DPP4: variants seen among roughly 807,000 people sequenced by gnomAD.
DPP4 encodes the protein ADCP-2.
DPP4 carries 93 observed loss-of-function variants against 122.4 expected under a neutral mutation model. The observed-to-expected ratio is 0.76, with a 90% confidence interval of 0.64 to 0.90. The LOEUF (loss-of-function observed/expected upper bound fraction) is 0.90, where lower values mean the gene tolerates loss of function less well. Ranked by LOEUF, DPP4 falls within the 40% of genes least tolerant of loss-of-function variation. DPP4 has a pLI of 0.00. For missense variants in DPP4, 914 were observed against 907.3 expected (o/e 1.01, Z -0.09); for synonymous variants, 321 against 302.9 (o/e 1.06, Z -0.62).
At chr2:162,066,914 T>A (rs1684965393) in intron 2 of DPP4, among the ~76,000 whole-genome samples, 1 of 152,112 alleles carries the variant, frequency 6.6e-6, no homozygotes, top group Admixed American at 6.6e-5. Context: ...AGGGCTCTGA[T>A]CCCATTATGC....
intron 23 of DPP4, among the ~76,000 whole-genome samples, chr2:162,003,878 A>T (rs1176248468): frequency 6.6e-6 from 1 of 152,224 alleles, no homozygotes; most frequent in Non-Finnish European, 1.5e-5. Context: ...TGAAGAGGGG[A>T]AAATTCAGTA....
chr2:162,063,590 A>G (rs970289527), intron 2 of DPP4, among the ~76,000 whole-genome samples: 3 of 151,926 alleles, frequency 2.0e-5, no homozygotes, highest in Non-Finnish European at 4.4e-5. Context: ...AAGGATGACT[A>G]ATTGACAGGC....
At chr2:162,030,665 G>A (rs1238873952) in intron 10 of DPP4, among the ~76,000 whole-genome samples, 1 of 152,116 alleles carries the variant, frequency 6.6e-6, no homozygotes, top group Non-Finnish European at 1.5e-5. Flanking sequence ...TTTTCCCAGA[G>A]AGCATCTAGA....
intron 19 of DPP4, among the ~76,000 whole-genome samples, chr2:162,014,146 G>A (rs1682819340): frequency 6.6e-6 from 1 of 152,142 alleles, no homozygotes; most frequent in Admixed American, 6.6e-5. Flanking sequence ...TTCCCTTGGA[G>A]TTCAGAGAAG....
chr2:161,998,401 C>T (rs1453204450), intron 23 of DPP4, among the ~76,000 whole-genome samples: 1 of 152,148 alleles, frequency 6.6e-6, no homozygotes, highest in Admixed American at 6.5e-5. Context: ...CCTTGTTGCT[C>T]TCCAAATTAA....
chr2:161,993,122 C>T lies in DPP4; in HGVS notation c.*161G>A, dbSNP rs2106064312. ...TCTGTTGTGAAGACAGAAGTCCCTA[C>T]TTAAGATGATAGGTATGAAATTTGG... is the stretch of plus-strand genomic sequence containing the variant. On this transcript the variant is annotated 3_prime_UTR_variant, in exon 26 of 26. Coordinates refer to ENST00000360534, the MANE Select transcript of DPP4 (RefSeq NM_001935.4). The T allele has an allele frequency of 1.7e-6, 1 of 583,712 alleles. No homozygotes were observed. Among genetic ancestry groups the T allele is most frequent in the East Asian group, 2.8e-5 (1 of 35,278 alleles). The allele number at this position is 583,712 out of a possible 1,614,324, so 36.2% of individuals were successfully genotyped here.
Position 162,037,732 on chromosome 2 carries a change from G to A in DPP4, c.613+570C>T, listed in dbSNP as rs772775169. On this transcript the variant is annotated intron_variant, in intron 8 of 25. Coordinates refer to ENST00000360534, the MANE Select transcript of DPP4 (RefSeq NM_001935.4). The stretch of plus-strand genomic sequence containing the variant: ...TTTCGACAACTCTGTATCCTAAAAG[G>A]GAGAATATTCCTTTTTAACTTTTTT... Among the ~76,000 whole-genome samples, 8 of 151,942 alleles carry A rather than the reference G, an allele frequency of 5.3e-5. 1 individual carries two copies. The highest frequency in any genetic ancestry group is 6.6e-5 in the Admixed American group (1 of 15,220).
chr2:162,064,136 G>T (rs1209111126), intron 2 of DPP4, among the ~76,000 whole-genome samples: 1 of 152,172 alleles, frequency 6.6e-6, no homozygotes, highest in Admixed American at 6.5e-5. Flanking sequence ...CAGGTCCTTA[G>T]CTATGAATGA....
At chr2:162,029,267 T>C (rs1246390431) in intron 10 of DPP4, among the ~76,000 whole-genome samples, 1 of 152,236 alleles carries the variant, frequency 6.6e-6, no homozygotes, top group Non-Finnish European at 1.5e-5. Context: ...TTAAGGATAC[T>C]TAAAATAAGG....
At chr2:162,062,389 C>T (rs1684805724) in intron 2 of DPP4, among the ~76,000 whole-genome samples, 1 of 152,226 alleles carries the variant, frequency 6.6e-6, no homozygotes, top group Non-Finnish European at 1.5e-5. Flanking sequence ...TAACACAGCA[C>T]ACATGTATCA....
In DPP4 at chr2:162,002,132, T is replaced by C. The variant is rs1020670244; in HGVS notation, c.2052+3613A>G. ...GTTTGGTTTGACACAGCCCTGGAGG[T>C]GTAGGCCTTAGAAAATGGAGTATGG... On this transcript the variant is annotated intron_variant, in intron 23 of 25. Transcript: ENST00000360534. 8.0e-4 allele frequency among the ~76,000 whole-genome samples: 122 copies of C among 152,092 alleles called. 1 individual carries two copies. The highest frequency in any genetic ancestry group is 2.9e-3 in the African/African-American group (118 of 41,394).
At chr2:162,066,996 T>C (rs923754818) in intron 2 of DPP4, among the ~76,000 whole-genome samples, 1 of 29,328 alleles carries the variant, frequency 3.4e-5, no homozygotes, top group African/African-American at 1.8e-4. Flanking sequence ...AGGGGACAAA[T>C]ACGCAATCAT....
intron 13 of DPP4, 120 bp downstream of exon 13, chr2:162,020,461 G>A: frequency 1.0e-6 from 1 of 1,003,844 alleles, no homozygotes; most frequent in South Asian, 1.7e-5. Flanking sequence ...CCACTGAGGA[G>A]TTTAAATTAA....
At chr2:162,032,705 ACAAC>A (rs1683595407) in intron 10 of DPP4, among the ~76,000 whole-genome samples, 1 of 125,602 alleles carries the variant, frequency 8.0e-6, no homozygotes, top group Admixed American at 7.7e-5. Flanking sequence ...AACAACAACA[ACAAC>A]AAAAAAAAAA....
At chr2:162,024,656 A>C (rs981113238) in intron 11 of DPP4, 148 bp downstream of exon 11, 25 of 1,097,894 alleles carry the variant, frequency 2.3e-5, no homozygotes, top group African/African-American at 3.2e-5. Context: ...AGTTTTATTC[A>C]AGATTTTATT....
intron 9 of DPP4, among the ~76,000 whole-genome samples, chr2:162,033,894 A>ATATATATATATATATATG (rs10526211): frequency 7.2e-6 from 1 of 139,806 alleles, no homozygotes; most frequent in Non-Finnish European, 1.5e-5. Flanking sequence ...ATATATATAT[A>ATATATATATATATATATG]CACACTATAT....
At chr2:162,038,543 A>G in intron 7 of DPP4, 121 bp from the exon 8 acceptor site, 10 of 1,100,956 alleles carry the variant, frequency 9.1e-6, no homozygotes, top group East Asian at 2.6e-5. Context: ...TTCCATTCAA[A>G]CAGGAAGAGT....
rs1684142104 is a variant in DPP4 at position 162,045,563 on chromosome 2, T to G, written c.335A>C (p.Gln112Pro). The G allele has an allele frequency of 6.2e-7, 1 of 1,612,600 alleles. No homozygotes were observed. The change falls in exon 5 of 26, where the codon CAG (glutamine) becomes CCG (proline). Residue 112 changes from glutamine to proline, a missense_variant. Transcript: ENST00000360534. ...INDYSISPDGQFILLEYNYVK... is the reference protein window; with the variant it reads ...INDYSISPDGPFILLEYNYVK... ...GTAGTTGTATTCTAAGAGAATAAAC[T>G]GCCCATCAGGAGATATTGAATAATC... is the stretch of plus-strand genomic sequence containing the variant.
intron 2 of DPP4, among the ~76,000 whole-genome samples, chr2:162,047,785 G>C (rs1684242046): frequency 6.6e-6 from 1 of 152,156 alleles, no homozygotes; most frequent in Admixed American, 6.5e-5. Context: ...TATAGAAATA[G>C]AATGTGAGTA....
Sources: allele counts gnomAD v4.1 joint callset (sites outside exome capture counted in the v4.1 genomes callset), GRCh38; gene constraint gnomAD v4.1.1; transcripts MANE v1.5; gene names NCBI Gene and HGNC (gene_info 2026-07-23, HGNC 2026-07-21).